VWA5B1: variants seen among roughly 807,000 people sequenced by gnomAD.
VWA5B1 encodes the protein von Willebrand factor A domain containing 5B1.
VWA5B1 carries 115 observed loss-of-function variants against 118.2 expected under a neutral mutation model. That is an observed-to-expected ratio of 0.97 (90% CI 0.84 to 1.14). The LOEUF (loss-of-function observed/expected upper bound fraction) is 1.14, where lower values mean the gene tolerates loss of function less well. Among genes scored for constraint, VWA5B1 ranks in the 50% most tolerant of loss-of-function variants. The pLI is 0.00. For synonymous variants in VWA5B1, 682 were observed against 658.4 expected (o/e 1.04, Z -0.55); for missense variants, 1,596 against 1,603.8 (o/e 1.00, Z 0.08).
At chr1:20,339,615 A>T (rs1387580395) in intron 14 of VWA5B1, among the ~76,000 whole-genome samples, 6 of 152,158 alleles carry the variant, frequency 3.9e-5, no homozygotes. Flanking sequence ...CAGTGGTTCC[A>T]TAAAAGCAGT....
intron 1 of VWA5B1, among the ~76,000 whole-genome samples, chr1:20,295,216 G>A (rs2088381620): frequency 6.6e-6 from 1 of 152,070 alleles, no homozygotes; most frequent in Non-Finnish European, 1.5e-5. Context: ...AAACAAGGGT[G>A]CAAAGTTGAG....
intron 1 of VWA5B1, among the ~76,000 whole-genome samples, chr1:20,297,751 A>C (rs541093999): frequency 6.6e-6 from 1 of 152,348 alleles, no homozygotes; most frequent in South Asian, 2.1e-4. Flanking sequence ...CTCAAGCCTC[A>C]GCACAGCAAA....
chr1:20,329,284 TC>T (rs2089474571), intron 9 of VWA5B1, among the ~76,000 whole-genome samples: 5 of 141,042 alleles, frequency 3.5e-5, no homozygotes, highest in South Asian at 2.2e-4. Context: ...TTTTTTCTTT[TC>T]CCTTTTTTTT....
intron 18 of VWA5B1, among the ~76,000 whole-genome samples, chr1:20,349,823 CTCATTTCA>C (rs2101016696): frequency 6.8e-6 from 1 of 146,014 alleles, no homozygotes; most frequent in South Asian, 2.2e-4. Context: ...TGCGTATTAT[CTCATTTCA>C]TCTTTACAAC....
chr1:20,325,482 C>T (rs1435692117), intron 8 of VWA5B1, among the ~76,000 whole-genome samples: 6 of 152,196 alleles, frequency 3.9e-5, no homozygotes. Flanking sequence ...TTGGTCATGA[C>T]ATTTTTTTTC....
intron 1 of VWA5B1, among the ~76,000 whole-genome samples, chr1:20,294,556 C>T (rs754610507): frequency 1.1e-4 from 17 of 152,100 alleles, no homozygotes; most frequent in Non-Finnish European, 2.2e-4. Context: ...CTCGGCTCAC[C>T]GCAACCTCCG....
intron 14 of VWA5B1, among the ~76,000 whole-genome samples, chr1:20,341,163 T>C (rs2089865546): frequency 6.6e-6 from 1 of 152,274 alleles, no homozygotes; most frequent in South Asian, 2.1e-4. Flanking sequence ...TTCCATTGCA[T>C]GGGATATACC....
intron 14 of VWA5B1, chr1:20,338,106 T>C (rs1570187071): frequency 1.7e-6 from 1 of 600,662 alleles, no homozygotes; most frequent in East Asian, 3.6e-5. Context: ...CATTTGACTT[T>C]ATAGCAGACC....
rs1438103590 is a variant in VWA5B1, at chr1:20,330,246, C to T, written c.1321C>T (p.Leu441Phe). 6.4e-5 allele frequency: 99 copies of T among 1,551,650 alleles called. 1 individual carries two copies. Among genetic ancestry groups the T allele is most frequent in the Non-Finnish European group, 7.4e-5 (85 of 1,147,028 alleles). ...GGCCGACATGGGTGGGACCAACATC[C>T]TTTCCCCTCTCAAGTGGGTCATCAG... ...MKADMGGTNI[L>F]SPLKWVIRQP... The change falls in exon 10 of 22, where the codon CTT becomes TTT. Residue 441 changes from leucine to phenylalanine, a missense_variant. Physicochemically the swap from Leu to Phe is conservative, Grantham distance 22 (BLOSUM62 0). Coordinates refer to ENST00000289815, the MANE Select transcript of VWA5B1 (RefSeq NM_001039500.3).
chr1:20,330,411 G>GT, intron 10 of VWA5B1, 29 bp downstream of exon 10: 2 of 1,550,060 alleles, frequency 1.3e-6, no homozygotes, highest in Admixed American at 2.0e-5. Context: ...TCTAGGCTCG[G>GT]TGACTCCAGG....
At position 20,354,231 on chromosome 1, in the gene VWA5B1, A is replaced by G; in HGVS notation, c.3616A>G (p.Asn1206Asp). 6.4e-7 allele frequency: 1 copy of G among 1,550,724 alleles called. No individual in the cohort carries two copies. ...LRHWDENLEFNMLCYNPNYV is the reference protein window; with the variant it reads ...LRHWDENLEFDMLCYNPNYV ...GCACTGGGATGAGAATCTCGAGTTC[A>G]ATATGCTCTGCTATAACCCGAATTA... The change falls in exon 22 of 22, where the codon AAT becomes GAT. Residue 1206 changes from asparagine to aspartate, a missense_variant. By Grantham distance (23) the Asn-to-Asp change is conservative. Coordinates refer to ENST00000289815, the MANE Select transcript of VWA5B1 (RefSeq NM_001039500.3).
chr1:20,327,808 T>A (rs1440216039), intron 8 of VWA5B1, 82 bp from the exon 9 acceptor site: 2 of 1,199,348 alleles, frequency 1.7e-6, no homozygotes, highest in Non-Finnish European at 2.4e-6. Flanking sequence ...GCTCGTGTGC[T>A]GGGAAAGGGA....
At chr1:20,332,661 C>G (rs2089603536) in intron 11 of VWA5B1, 105 bp from the exon 12 acceptor site, 1 of 1,247,378 alleles carries the variant, frequency 8.0e-7, no homozygotes, top group Non-Finnish European at 1.1e-6. Flanking sequence ...GGCCTACTGT[C>G]CCCTCTTCCC....
intron 4 of VWA5B1, among the ~76,000 whole-genome samples, chr1:20,316,583 G>A (rs575049529): frequency 2.8e-4 from 43 of 152,322 alleles, no homozygotes; most frequent in African/African-American, 7.9e-4. Flanking sequence ...AAAGACCTTA[G>A]GGGGTGTGCC....
rs1207937649 is a variant in VWA5B1 at position 20,343,073 on chromosome 1, C to T, written c.2312-6C>T. ...GCGCTTGGCCCACTTGTCCCTCTGC[C>T]CGCAGAGCCGTCCCACCATCCCTCT... On this transcript the variant is annotated splice_region_variant and splice_polypyrimidine_tract_variant and intron_variant, in intron 15 of 21. Transcript: ENST00000289815. 1.3e-6 allele frequency: 2 copies of T among 1,506,254 alleles called. No individual in the cohort carries two copies. Among genetic ancestry groups the T allele is most frequent in the Admixed American group, 4.3e-5 (2 of 47,042 alleles). 93.3% of individuals were successfully genotyped at this position (1,506,254 alleles called of 1,614,324 possible).
intron 17 of VWA5B1, among the ~76,000 whole-genome samples, chr1:20,347,364 A>C (rs1457401669): frequency 6.6e-6 from 1 of 152,190 alleles, no homozygotes; most frequent in Non-Finnish European, 1.5e-5. Flanking sequence ...TTTTTAAGGA[A>C]AAACTTACAG....
At chr1:20,301,927 C>T (rs2088513476) in intron 1 of VWA5B1, among the ~76,000 whole-genome samples, 1 of 152,226 alleles carries the variant, frequency 6.6e-6, no homozygotes, top group South Asian at 2.1e-4. Flanking sequence ...AGTGGACAGG[C>T]ATGGCGCAGT....
intron 12 of VWA5B1, among the ~76,000 whole-genome samples, chr1:20,335,929 AG>A (rs1192806854): frequency 2.0e-5 from 3 of 152,340 alleles, no homozygotes; most frequent in Admixed American, 6.5e-5. Flanking sequence ...ACGCAGTTAA[AG>A]CTTGTGTTGA....
At chr1:20,316,251 G>A (rs1411996206) in intron 4 of VWA5B1, among the ~76,000 whole-genome samples, 2 of 152,132 alleles carry the variant, frequency 1.3e-5, no homozygotes, top group African/African-American at 4.8e-5. Context: ...TTTCACCCAG[G>A]GATCATGGAG....
Sources: allele counts gnomAD v4.1 joint callset (sites outside exome capture counted in the v4.1 genomes callset), GRCh38; gene constraint gnomAD v4.1.1; transcripts MANE v1.5; gene names NCBI Gene and HGNC (gene_info 2026-07-23, HGNC 2026-07-21).